The following ZNF395 variants were observed in gnomAD, a reference collection of about 807,000 sequenced individuals.
The protein encoded by ZNF395 is zinc finger protein 395.
A neutral mutation model predicts 57.7 loss-of-function variants in ZNF395; 20 were observed. That is an observed-to-expected ratio of 0.35 (90% CI 0.24 to 0.50). ZNF395 has a LOEUF of 0.50. Ranked by LOEUF, ZNF395 falls within the 20% of genes least tolerant of loss-of-function variation. The pLI, the probability that ZNF395 is intolerant of heterozygous loss-of-function variation, is 0.97. For missense variants in ZNF395, 606 were observed against 671.2 expected (o/e 0.90, Z 1.07); for synonymous variants, 295 against 275.9 (o/e 1.07, Z -0.69).
intron 2 of ZNF395, 80 bp downstream of exon 2, chr8:28,360,805 C>T (rs1190364400): frequency 2.6e-5 from 40 of 1,552,110 alleles, no homozygotes; most frequent in East Asian, 4.5e-5. Flanking sequence ...AGAGAGTTTC[C>T]GGCCTGTCAC....
rs773451609 is a variant in ZNF395, at chr8:28,349,113, C to T, written c.1430+12G>A. ...GAAACCAGAAGGCAGGGGACGACAG[C>T]GGACATCTCACCTGGCACCACTCTG... is the stretch of plus-strand genomic sequence containing the variant. On this transcript the variant is annotated intron_variant, in intron 9 of 9. Coordinates refer to ENST00000344423, the MANE Select transcript of ZNF395 (RefSeq NM_018660.3). 9.0e-6 allele frequency: 14 copies of T among 1,563,440 alleles called. No homozygotes were observed. The highest frequency in any genetic ancestry group is 4.8e-5 in the South Asian group (4 of 83,012).
chr8:28,369,645 C>T (rs556770372), intron 1 of ZNF395, among the ~76,000 whole-genome samples: 1 of 152,228 alleles, frequency 6.6e-6, no homozygotes, highest in Non-Finnish European at 1.5e-5. Flanking sequence ...TTCCCCCAAG[C>T]CTGAATCTCA....
intron 1 of ZNF395, among the ~76,000 whole-genome samples, chr8:28,365,805 C>T (rs1028673300): frequency 1.2e-4 from 19 of 152,152 alleles, no homozygotes; most frequent in Admixed American, 8.5e-4. Flanking sequence ...TGCTAATAGC[C>T]CTTAATGAGG....
At chr8:28,360,594 C>T (rs908765959) in intron 2 of ZNF395, among the ~76,000 whole-genome samples, 1 of 152,232 alleles carries the variant, frequency 6.6e-6, no homozygotes, top group South Asian at 2.1e-4. Context: ...TTAAGAGAAA[C>T]GTGGTTATGG....
chr8:28,375,598 C>T (rs757846871), intron 1 of ZNF395, among the ~76,000 whole-genome samples: 1 of 152,084 alleles, frequency 6.6e-6, no homozygotes, highest in South Asian at 2.1e-4. Flanking sequence ...CACTTAAGAT[C>T]TGTGCTGTAT....
At chr8:28,381,871 A>G (rs1236421794) in intron 1 of ZNF395, among the ~76,000 whole-genome samples, 1 of 152,202 alleles carries the variant, frequency 6.6e-6, no homozygotes, top group Non-Finnish European at 1.5e-5. Context: ...AAAGCCCTCT[A>G]TAATTCCATT....
rs1801775147 is a variant in ZNF395, at chr8:28,356,060, T to C, written c.583+610A>G. Among the ~76,000 whole-genome samples the C allele has an allele frequency of 6.6e-6, 1 of 152,234 alleles. No homozygotes were observed. The highest frequency in any genetic ancestry group is 2.1e-4 in the South Asian group (1 of 4,836). Reference sequence around the variant, plus strand: ...TTCACTACCAGTCTTGCCAAACTACTGACAAATACTCAGCAACCCTTTTTT... The same window carrying C: ...TTCACTACCAGTCTTGCCAAACTACCGACAAATACTCAGCAACCCTTTTTT... On this transcript the variant is annotated intron_variant, in intron 4 of 9. Transcript: ENST00000344423. The surrounding 1 kb of genome is among the most constrained non-coding windows in gnomAD (Gnocchi z 4.0).
At chr8:28,354,274 C>T (rs1006677191) in intron 4 of ZNF395, among the ~76,000 whole-genome samples, 2 of 152,148 alleles carry the variant, frequency 1.3e-5, no homozygotes, top group African/African-American at 4.8e-5. Context: ...TGCATGGGCC[C>T]AACCCAGACT....
At chr8:28,376,798 A>T (rs1020417762) in intron 1 of ZNF395, among the ~76,000 whole-genome samples, 18 of 152,216 alleles carry the variant, frequency 1.2e-4, no homozygotes, top group African/African-American at 4.3e-4. Flanking sequence ...AAAAATTTTC[A>T]ACTCTAGTTC....
At chr8:28,353,749 C>A (rs1453691436) in intron 4 of ZNF395, among the ~76,000 whole-genome samples, 1 of 152,140 alleles carries the variant, frequency 6.6e-6, no homozygotes, top group African/African-American at 2.4e-5. Context: ...GCCTCAGCCT[C>A]CCAAAGTGCT....
intron 1 of ZNF395, among the ~76,000 whole-genome samples, chr8:28,370,661 CAT>C (rs1164990268): frequency 6.6e-6 from 1 of 152,200 alleles, no homozygotes. Context: ...GCAGCTGGCA[CAT>C]ACTCTCCGAG....
chr8:28,356,891 T>C lies in ZNF395; in HGVS notation c.474-112A>G, dbSNP rs1801787296. On this transcript the variant is annotated intron_variant, in intron 3 of 9. Coordinates refer to ENST00000344423, the MANE Select transcript of ZNF395 (RefSeq NM_018660.3). The surrounding 1 kb of genome is among the most constrained non-coding windows in gnomAD (Gnocchi z 4.0). ...GTTTCACACAATCATCTTACACTTCTGGACTGTCCCCTCCAAGTGCCCCCA... is the reference window on the plus strand; with the variant it reads ...GTTTCACACAATCATCTTACACTTCCGGACTGTCCCCTCCAAGTGCCCCCA... 2.5e-6 allele frequency: 2 copies of C among 804,454 alleles called. No individual in the cohort carries two copies. The highest frequency in any genetic ancestry group is 4.0e-6 in the Non-Finnish European group (2 of 501,496). The allele number at this position is 804,454 out of a possible 1,614,324, so 49.8% of individuals were successfully genotyped here. A position where few individuals can be genotyped will look rare whatever the true frequency, so the allele number is the denominator to read the frequency against.
intron 8 of ZNF395, among the ~76,000 whole-genome samples, chr8:28,349,839 T>C (rs1458594504): frequency 1.3e-5 from 2 of 152,216 alleles, no homozygotes; most frequent in African/African-American, 2.4e-5. Context: ...CTGGACATCC[T>C]CTACAAGCGC....
At chr8:28,362,045 T>C (rs1180994414) in intron 1 of ZNF395, among the ~76,000 whole-genome samples, 16 of 143,108 alleles carry the variant, frequency 1.1e-4, no homozygotes, top group African/African-American at 4.3e-4. Context: ...TGAGCCAAAA[T>C]CACACCACTG....
intron 1 of ZNF395, among the ~76,000 whole-genome samples, chr8:28,381,510 C>G (rs556693866): frequency 6.6e-6 from 1 of 152,280 alleles, no homozygotes; most frequent in South Asian, 2.1e-4. Context: ...TGATTTTAGT[C>G]CCACCTGTAA....
chr8:28,355,684 C>T (rs1198799971), intron 4 of ZNF395, among the ~76,000 whole-genome samples: 1 of 152,174 alleles, frequency 6.6e-6, no homozygotes, highest in African/African-American at 2.4e-5. Flanking sequence ...AACTCCTTTC[C>T]TCTTCCCTAT....
intron 1 of ZNF395, among the ~76,000 whole-genome samples, chr8:28,368,931 G>T (rs911388563): frequency 6.6e-6 from 1 of 151,998 alleles, no homozygotes; most frequent in Non-Finnish European, 1.5e-5. Flanking sequence ...CTCTTCCCAG[G>T]TCCAAGCAAT....
intron 1 of ZNF395, among the ~76,000 whole-genome samples, chr8:28,373,674 G>A (rs1212964109): frequency 6.6e-6 from 1 of 152,114 alleles, no homozygotes; most frequent in Non-Finnish European, 1.5e-5. Flanking sequence ...ACGGGTCAAA[G>A]TCCTCAGGGG....
At position 28,356,647 on chromosome 8, in the gene ZNF395, C is replaced by A. The variant is rs1433882358; in HGVS notation, c.583+23G>T. ...CGTGGGCCTCTACCATGCCCAGAAC[C>A]CAGCTGGGCCCCGCTTGCTCACCAG... On this transcript the variant is annotated intron_variant, in intron 4 of 9. Coordinates refer to ENST00000344423, the MANE Select transcript of ZNF395 (RefSeq NM_018660.3). The surrounding 1 kb of genome is among the most constrained non-coding windows in gnomAD (Gnocchi z 4.0). The A allele has an allele frequency of 1.3e-6, 2 of 1,595,906 alleles. No homozygotes were observed. Among genetic ancestry groups the A allele is most frequent in the Admixed American group, 1.7e-5 (1 of 59,658 alleles).
Sources: gnomAD v4.1 joint callset for allele counts (sites outside exome capture counted in the v4.1 genomes callset) on GRCh38, gnomAD v4.1.1 for gene constraint, Gnocchi (gnomAD v3.1) non-coding constraint, MANE v1.5 for transcripts, NCBI Gene and HGNC (gene_info 2026-07-23, HGNC 2026-07-21) for gene names.